SEMA3D: variants seen among roughly 807,000 people sequenced by gnomAD.
The protein encoded by SEMA3D is semaphorin 3D, also known as semaphorin-3D.
In SEMA3D, 84 loss-of-function variants were observed where a neutral mutation model predicts 100.1. The observed-to-expected ratio is 0.84, with a 90% confidence interval of 0.70 to 1.01. SEMA3D has a LOEUF of 1.01. Ranked by LOEUF, SEMA3D falls within the 50% of genes least tolerant of loss-of-function variation. SEMA3D has a pLI of 0.00. For missense variants in SEMA3D, 875 were observed against 934.1 expected (o/e 0.94, Z 0.82); for synonymous variants, 312 against 320.7 (o/e 0.97, Z 0.29).
rs1789531720 is a variant in SEMA3D, at chr7:84,997,383, C to T, written c.*2057G>A. ...GAGTTCCTGGAATATTTTGTCCAAG[C>T]AAATCTATAATTACAAACACTGTTG... On this transcript the variant is annotated 3_prime_UTR_variant, in exon 19 of 19. Transcript: ENST00000284136. 6.6e-6 allele frequency: 1 copy of T among 152,034 alleles called. No homozygotes were observed. The highest frequency in any genetic ancestry group is 6.6e-5 in the Admixed American group (1 of 15,258). The allele number at this position is 152,034 out of a possible 1,614,324, so 9.4% of individuals were successfully genotyped here.
intron 3 of SEMA3D, 120 bp from the exon 4 acceptor site, chr7:85,098,085 A>C (rs1788623451): frequency 1.6e-6 from 1 of 612,242 alleles, no homozygotes; most frequent in East Asian, 3.0e-5. Context: ...AAAAAGAAAG[A>C]AAGAAAAAAG....
chr7:85,130,190 C>T lies in SEMA3D; in HGVS notation c.-40-8259G>A, dbSNP rs184312484. Among the ~76,000 whole-genome samples, 12 of 152,192 alleles carry T rather than the reference C, an allele frequency of 7.9e-5. No homozygotes were observed. In the East Asian group the frequency reaches 1.4e-3, roughly 17 times the overall value. On this transcript the variant is annotated intron_variant, in intron 2 of 18. Coordinates refer to ENST00000284136, the MANE Select transcript of SEMA3D (RefSeq NM_001384900.1). Reference sequence around the variant, plus strand: ...GAATTTAGGAACCAAGTCTTCATATCGGATTTGAATTTCATGGTATTTGAC... The same window carrying T: ...GAATTTAGGAACCAAGTCTTCATATTGGATTTGAATTTCATGGTATTTGAC...
upstream of SEMA3D, among the ~76,000 whole-genome samples, chr7:85,189,699 C>G (rs1310057852): frequency 6.6e-6 from 1 of 152,126 alleles, no homozygotes; most frequent in South Asian, 2.1e-4. Flanking sequence ...AAATAACTTT[C>G]ATGTTCTTGG....
the SEMA3D span, among the ~76,000 whole-genome samples, chr7:85,202,522 C>T: frequency 9.9e-5 from 15 of 151,960 alleles, no homozygotes; most frequent in East Asian, 3.9e-4. Flanking sequence ...GCTTCTGCAC[C>T]GCAAAAGAAA....
At chr7:85,167,869 A>C (rs1790953068) in intron 1 of SEMA3D, among the ~76,000 whole-genome samples, 1 of 151,898 alleles carries the variant, frequency 6.6e-6, no homozygotes, top group Admixed American at 6.6e-5. Context: ...CCACATCAAG[A>C]AAGCATGATA....
intron 2 of SEMA3D, among the ~76,000 whole-genome samples, chr7:85,144,000 C>T (rs535710969): frequency 6.6e-6 from 1 of 152,024 alleles, no homozygotes; most frequent in African/African-American, 2.4e-5. Context: ...CATGAGGCAC[C>T]GAGCCTGGCC....
the SEMA3D span, among the ~76,000 whole-genome samples, chr7:85,233,582 G>A: frequency 6.6e-6 from 1 of 152,196 alleles, no homozygotes; most frequent in Admixed American, 6.5e-5. Flanking sequence ...TGTTTACCTG[G>A]ACAGCAAGTC....
chr7:85,225,916 A>G, the SEMA3D span, among the ~76,000 whole-genome samples: 18 of 152,228 alleles, frequency 1.2e-4, no homozygotes, highest in Admixed American at 1.3e-4. Context: ...AAAGTTTTAC[A>G]TACTATACTT....
At position 84,999,846 on chromosome 7, in the gene SEMA3D, A is replaced by G; in HGVS notation, c.1928T>C (p.Ile643Thr). Residue 643 changes from isoleucine (I) to threonine (T), a missense_variant, in exon 19 of 19, where the codon ATC (isoleucine) becomes ACC (threonine). By Grantham distance (89) the Ile-to-Thr change is moderately conservative. Coordinates refer to ENST00000284136, the MANE Select transcript of SEMA3D (RefSeq NM_001384900.1). ...CAGTAGCCCATATTCCGTTTTGATG[A>G]TTCTTTCATCGGGCTTCAACTGCAG... is the stretch of plus-strand genomic sequence containing the variant. ...HREELKPDERIIKTEYGLLIR... is the reference protein window; with the variant it reads ...HREELKPDERTIKTEYGLLIR... 6.2e-7 allele frequency: 1 copy of G among 1,613,216 alleles called. No homozygotes were observed. Among genetic ancestry groups the G allele is most frequent in the Non-Finnish European group, 8.5e-7 (1 of 1,179,362 alleles).
rs1014871206 is a variant in SEMA3D, at chr7:85,135,705, A to G, written c.-40-13774T>C. Among the ~76,000 whole-genome samples the G allele has an allele frequency of 6.0e-5, 9 of 150,904 alleles. No individual in the cohort carries two copies. The South Asian group carries it at 6.2e-4, about 10-fold the overall frequency. ...TAAACATTAAAAAAGAAAAAATTAG[A>G]AAAAATTAATTAGAAAAAAATCAAT... On this transcript the variant is annotated intron_variant, in intron 2 of 18. Transcript: ENST00000284136.
intron 17 of SEMA3D, among the ~76,000 whole-genome samples, chr7:85,011,945 G>T (rs1789965332): frequency 6.6e-6 from 1 of 151,684 alleles, no homozygotes; most frequent in African/African-American, 2.4e-5. Flanking sequence ...GTTCGTGTGT[G>T]TGTGCATGTG....
intron 7 of SEMA3D, among the ~76,000 whole-genome samples, chr7:85,067,326 AC>A (rs1327272840): frequency 6.6e-6 from 1 of 152,150 alleles, no homozygotes; most frequent in Non-Finnish European, 1.5e-5. Flanking sequence ...ACTCCATTTC[AC>A]AGAGCAGAAT....
At chr7:85,073,727 C>G (rs1459293339) in intron 5 of SEMA3D, among the ~76,000 whole-genome samples, 1 of 152,140 alleles carries the variant, frequency 6.6e-6, no homozygotes, top group East Asian at 1.9e-4. Context: ...TCTTATTGAC[C>G]AGATGCCCTA....
intron 3 of SEMA3D, among the ~76,000 whole-genome samples, chr7:85,114,289 A>C (rs760044252): frequency 3.3e-5 from 5 of 152,308 alleles, no homozygotes; most frequent in Non-Finnish European, 7.4e-5. Context: ...CTTTACTTCT[A>C]AAGTGCTTGA....
the SEMA3D span, among the ~76,000 whole-genome samples, chr7:85,211,709 C>T: frequency 1.3e-5 from 2 of 151,988 alleles, 1 homozygote; most frequent in African/African-American, 4.8e-5. Context: ...CTCTGTTTCC[C>T]CTAAGACAGC....
chr7:85,011,265 A>G (rs192561642), intron 17 of SEMA3D, among the ~76,000 whole-genome samples: 24 of 151,956 alleles, frequency 1.6e-4, no homozygotes, highest in Admixed American at 1.1e-3. Context: ...GTTAGAGCTT[A>G]AGTAAAAATG....
chr7:85,138,027 C>A (rs1187949665), intron 2 of SEMA3D, among the ~76,000 whole-genome samples: 1 of 152,060 alleles, frequency 6.6e-6, no homozygotes, highest in Non-Finnish European at 1.5e-5. Flanking sequence ...ATGCCTCTTA[C>A]CTCTCCAAAA....
At chr7:85,060,948 G>T (rs890204364) in intron 8 of SEMA3D, among the ~76,000 whole-genome samples, 1 of 152,090 alleles carries the variant, frequency 6.6e-6, no homozygotes, top group Non-Finnish European at 1.5e-5. Context: ...AGGCGTTATT[G>T]TTCGCTTTCA....
At chr7:85,234,898 G>A in the SEMA3D span, among the ~76,000 whole-genome samples, 2 of 152,304 alleles carry the variant, frequency 1.3e-5, no homozygotes, top group South Asian at 4.1e-4. Context: ...TGTCAGATAT[G>A]TCTAAGCACA....
Sources: allele counts gnomAD v4.1 joint callset (sites outside exome capture counted in the v4.1 genomes callset), GRCh38; gene constraint gnomAD v4.1.1; transcripts MANE v1.5; gene names NCBI Gene and HGNC (gene_info 2026-07-23, HGNC 2026-07-21).